RGS5: variants seen among roughly 807,000 people sequenced by gnomAD.
The protein encoded by RGS5 is regulator of G protein signaling 5, also known as regulator of G-protein signalling 5.
In RGS5, 20 loss-of-function variants were observed where a neutral mutation model predicts 18.9. That is an observed-to-expected ratio of 1.06 (90% CI 0.74 to 1.54). The LOEUF is 1.54. RGS5 is among the 40% of genes most tolerant of loss of function. The pLI, the probability that RGS5 is intolerant of heterozygous loss-of-function variation, is 0.00. For synonymous variants in RGS5, 57 were observed against 76.2 expected (o/e 0.75, Z 1.31); for missense variants, 201 against 211.8 (o/e 0.95, Z 0.32).
At chr1:163,241,250 TTG>T (rs1477628372) in intron 2 of RGS5, among the ~76,000 whole-genome samples, 1 of 152,256 alleles carries the variant, frequency 6.6e-6, no homozygotes, top group Admixed American at 6.5e-5. Flanking sequence ...ATTGTTGTTG[TTG>T]TTGTTCTTAA....
intron 2 of RGS5, among the ~76,000 whole-genome samples, chr1:163,227,311 G>A (rs1215571600): frequency 6.6e-6 from 1 of 152,214 alleles, no homozygotes; most frequent in South Asian, 2.1e-4. Context: ...AGTTCCACAT[G>A]GTTGGGGAGG....
At chr1:163,259,817 G>T (rs556340519) in intron 2 of RGS5, 2 of 152,656 alleles carry the variant, frequency 1.3e-5, no homozygotes, top group Non-Finnish European at 2.9e-5. Context: ...CAGCAAATCC[G>T]GAGTGGCTGG....
rs116061180 is a variant in RGS5, at chr1:163,310,314, C to T, written c.-377-3985G>A. Among the ~76,000 whole-genome samples, 1,159 of 152,230 alleles carry T rather than the reference C, an allele frequency of 7.6e-3. 17 individuals carry two copies. Among genetic ancestry groups the T allele is most frequent in the African/African-American group, 0.026 (1,084 of 41,530 alleles). ...TGAAAGTCCTTAGATGGGCCAGGTG[C>T]GGTGGCTCACGCCTGTAATCCCAGC... is the stretch of plus-strand genomic sequence containing the variant. On this transcript the variant is annotated intron_variant, in intron 1 of 5. Coordinates refer to the RGS5 transcript ENST00000618415.
At chr1:163,280,783 T>C (rs1321086368) in intron 2 of RGS5, among the ~76,000 whole-genome samples, 3 of 152,118 alleles carry the variant, frequency 2.0e-5, no homozygotes, top group East Asian at 1.9e-4. Context: ...AAAATTTGTA[T>C]AGAACTGAAA....
chr1:163,144,596 C>CTTCA lies in RGS5; in HGVS notation c.*2742_*2745dup, dbSNP rs1657058336. ...AGTACAACAGGGTTCTTGCATCAAG[C>CTTCA]TTCATGCTTTCCCAGACATTTACTC... is the stretch of plus-strand genomic sequence containing the variant. On this transcript the variant is annotated 3_prime_UTR_variant, in exon 5 of 5. Transcript: ENST00000313961. The CTTCA allele has an allele frequency of 3.9e-5, 6 of 152,606 alleles. No individual in the cohort carries two copies. The South Asian group carries it at 1.2e-3, about 32-fold the overall frequency. The allele number at this position is 152,606 out of a possible 1,614,324, so 9.5% of individuals were successfully genotyped here.
Position 163,145,163 on chromosome 1 carries a change from T to C in RGS5, c.*2179A>G, listed in dbSNP as rs1433558961. On this transcript the variant is annotated 3_prime_UTR_variant, in exon 5 of 5. Transcript: ENST00000313961. Reference sequence around the variant, plus strand: ...CCACTTTCATAGGGTGTCCAGTCAATTTGTGAGTACAGTCCACTGGAGTCT... The same window carrying C: ...CCACTTTCATAGGGTGTCCAGTCAACTTGTGAGTACAGTCCACTGGAGTCT... The C allele has an allele frequency of 6.6e-6, 1 of 152,156 alleles. No individual in the cohort carries two copies. Among genetic ancestry groups the C allele is most frequent in the African/African-American group, 2.4e-5 (1 of 41,428 alleles). 9.4% of individuals were successfully genotyped at this position (152,156 alleles called of 1,614,324 possible).
chr1:163,223,125 A>G (rs1647265891), intron 2 of RGS5, among the ~76,000 whole-genome samples: 1 of 152,158 alleles, frequency 6.6e-6, no homozygotes, highest in Non-Finnish European at 1.5e-5. Flanking sequence ...GAATACAGAC[A>G]TGAGCCACTG....
chr1:163,321,565 C>T (rs1426277171), intron 1 of RGS5: 1 of 152,178 alleles, frequency 6.6e-6, no homozygotes, highest in Non-Finnish European at 1.5e-5. Flanking sequence ...TCTAACAAAA[C>T]CCGGCACATA....
chr1:163,286,706 C>G (rs1649155091), intron 2 of RGS5, among the ~76,000 whole-genome samples: 1 of 151,958 alleles, frequency 6.6e-6, no homozygotes, highest in Non-Finnish European at 1.5e-5. Context: ...TTTTTATCTT[C>G]CATTTTTTTC....
At chr1:163,315,710 A>G (rs6692764) in intron 1 of RGS5, among the ~76,000 whole-genome samples, 32,409 of 152,150 alleles carry the variant, frequency 0.21, 3,684 homozygotes, top group African/African-American at 0.3. Context: ...ATCCACTAAT[A>G]AAGATGAACA....
At chr1:163,279,447 G>A (rs551899082) in intron 2 of RGS5, among the ~76,000 whole-genome samples, 103 of 151,806 alleles carry the variant, frequency 6.8e-4, no homozygotes, top group Admixed American at 2.3e-3. Flanking sequence ...AGATTAAAAA[G>A]AAAATTTTAA....
intron 2 of RGS5, among the ~76,000 whole-genome samples, chr1:163,255,560 G>A (rs1648249395): frequency 6.6e-6 from 1 of 151,046 alleles, no homozygotes; most frequent in South Asian, 2.1e-4. Flanking sequence ...CATTCCTTCT[G>A]AAACTATTCC....
At chr1:163,241,056 T>C (rs959408660) in intron 2 of RGS5, among the ~76,000 whole-genome samples, 10 of 152,222 alleles carry the variant, frequency 6.6e-5, no homozygotes, top group African/African-American at 2.4e-4. Context: ...GGGTTTCTGC[T>C]AACTTGTCTT....
intron 2 of RGS5, among the ~76,000 whole-genome samples, chr1:163,225,261 T>C (rs1647309113): frequency 6.6e-6 from 1 of 152,110 alleles, no homozygotes; most frequent in Non-Finnish European, 1.5e-5. Flanking sequence ...GGGAAGACTG[T>C]TCCCACTGTC....
At chr1:163,176,430 T>C (rs569744613) in intron 1 of RGS5, among the ~76,000 whole-genome samples, 1 of 152,214 alleles carries the variant, frequency 6.6e-6, no homozygotes, top group Non-Finnish European at 1.5e-5. Flanking sequence ...GACACCAGCC[T>C]GACCAACATG....
intron 1 of RGS5, among the ~76,000 whole-genome samples, chr1:163,317,162 G>C (rs186118957): frequency 6.6e-6 from 1 of 152,180 alleles, no homozygotes; most frequent in Non-Finnish European, 1.5e-5. Context: ...GTTTAAAACT[G>C]AATCACCAGT....
chr1:163,232,625 T>A (rs1405335986), intron 2 of RGS5, among the ~76,000 whole-genome samples: 1 of 152,194 alleles, frequency 6.6e-6, no homozygotes, highest in African/African-American at 2.4e-5. Context: ...CCCTGTCTCT[T>A]CAATCTGTTA....
chr1:163,197,599 C>A (rs1355536262), intron 1 of RGS5, among the ~76,000 whole-genome samples: 1 of 152,126 alleles, frequency 6.6e-6, no homozygotes, highest in African/African-American at 2.4e-5. Flanking sequence ...GAAAGGCAAT[C>A]TAGAGAAATC....
Position 163,304,647 on chromosome 1 carries a change from T to C in RGS5, c.-281+1586A>G, listed in dbSNP as rs904995932. On this transcript the variant is annotated intron_variant, in intron 2 of 5. Transcript: ENST00000618415. ...TATTAATATGCACACACAATGTCTC[T>C]TTTCATGTTTATACTGCCAGCACCT... 3 of 152,238 alleles carry C rather than the reference T, an allele frequency of 2.0e-5. No individual in the cohort carries two copies. The South Asian group carries it at 6.2e-4, about 31-fold the overall frequency. The allele number at this position is 152,238 out of a possible 1,614,324, so 9.4% of individuals were successfully genotyped here.
Sources: gnomAD v4.1 joint callset for allele counts (sites outside exome capture counted in the v4.1 genomes callset) on GRCh38, gnomAD v4.1.1 for gene constraint, MANE v1.5 for transcripts, NCBI Gene and HGNC (gene_info 2026-07-23, HGNC 2026-07-21) for gene names.